ANO3: variants seen among roughly 807,000 people sequenced by gnomAD.
ANO3 encodes anoctamin-3.
ANO3 carries 99 observed loss-of-function variants against 144.8 expected under a neutral mutation model. The observed-to-expected ratio is 0.68, with a 90% CI of 0.58 to 0.81. The LOEUF is 0.81. ANO3 is among the 30% of genes least tolerant of loss of function. The pLI, the probability that ANO3 is intolerant of heterozygous loss-of-function variation, is 0.00. For synonymous variants in ANO3, 414 were observed against 392.6 expected, an observed-to-expected ratio of 1.05 and a Z score of -0.64; for missense variants, 905 against 1,202.2, an observed-to-expected ratio of 0.75 and a Z score of 3.66.
intron 14 of ANO3, among the ~76,000 whole-genome samples, chr11:26,575,192 T>C (rs1490297993): frequency 1.3e-5 from 2 of 151,984 alleles, no homozygotes; most frequent in African/African-American, 2.4e-5. Context: ...ACAAACCCTA[T>C]TGATATCCTT....
At chr11:26,338,699 C>A (rs543278796) in intron 1 of ANO3, among the ~76,000 whole-genome samples, 1 of 151,162 alleles carries the variant, frequency 6.6e-6, no homozygotes, top group East Asian at 2.0e-4. Context: ...ATGAACCCCC[C>A]CACTGGGAGA....
chr11:26,489,528 A>G (rs932204692), intron 4 of ANO3, among the ~76,000 whole-genome samples: 1 of 152,184 alleles, frequency 6.6e-6, no homozygotes, highest in African/African-American at 2.4e-5. Flanking sequence ...AGTTCCTGGA[A>G]TGGTAGATCC....
At chr11:26,551,004 C>G (rs1455014161) in intron 12 of ANO3, among the ~76,000 whole-genome samples, 2 of 151,958 alleles carry the variant, frequency 1.3e-5, no homozygotes, top group Non-Finnish European at 2.9e-5. Flanking sequence ...TTGCATTTCT[C>G]TGATGATTAT....
chr11:26,244,063 G>A (rs186333856), intron 1 of ANO3, among the ~76,000 whole-genome samples: 55 of 149,546 alleles, frequency 3.7e-4, no homozygotes, highest in Admixed American at 3.4e-3. Context: ...GTTGCAGTGA[G>A]CTGAGATTGT....
chr11:26,243,429 C>T (rs554911392), intron 1 of ANO3, among the ~76,000 whole-genome samples: 8 of 150,850 alleles, frequency 5.3e-5, no homozygotes, highest in Admixed American at 6.6e-5. Flanking sequence ...ATACAATTCT[C>T]TGATTTACAA....
chr11:26,283,858 GAAAACTGAGAGGTGGGAGACC>G (rs1853740698), intron 1 of ANO3, among the ~76,000 whole-genome samples: 1 of 152,136 alleles, frequency 6.6e-6, no homozygotes, highest in Non-Finnish European at 1.5e-5. Context: ...CTATGAAAAG[GAAAACTGAGAGGTGGGAGACC>G]AAATTTAGAT....
chr11:26,632,848 T>A (rs911296660), intron 18 of ANO3, among the ~76,000 whole-genome samples: 1 of 152,168 alleles, frequency 6.6e-6, no homozygotes. Context: ...CCTAAAAATC[T>A]ACATCCTCTT....
chr11:26,331,097 G>C (rs1371785096), upstream of ANO3, among the ~76,000 whole-genome samples: 1 of 152,138 alleles, frequency 6.6e-6, no homozygotes, highest in Non-Finnish European at 1.5e-5. Context: ...CTGCAGTTTG[G>C]TCTTTCAAAA....
chr11:26,373,736 G>A (rs779081969), intron 1 of ANO3, among the ~76,000 whole-genome samples: 2 of 152,004 alleles, frequency 1.3e-5, no homozygotes, highest in East Asian at 1.9e-4. Context: ...ACACAAACAC[G>A]TTGGCATGCA....
chr11:26,461,224 A>G (rs1389457), intron 3 of ANO3, among the ~76,000 whole-genome samples: 10,892 of 152,136 alleles, frequency 0.072, 694 homozygotes, highest in African/African-American at 0.17. Flanking sequence ...CTGGCAGTCA[A>G]TGGTAGGGTT....
chr11:26,535,540 A>G (rs1164282445), intron 9 of ANO3, among the ~76,000 whole-genome samples: 1 of 145,406 alleles, frequency 6.9e-6, no homozygotes, highest in Admixed American at 6.8e-5. Context: ...AGTGCTATAT[A>G]GGTAAAATAC....
chr11:26,579,175 T>C (rs1851066888), intron 14 of ANO3, among the ~76,000 whole-genome samples: 1 of 152,222 alleles, frequency 6.6e-6, no homozygotes, highest in Non-Finnish European at 1.5e-5. Context: ...CATGATTTAT[T>C]AATGCTTTCT....
At position 26,563,163 on chromosome 11, in the gene ANO3, G is replaced by A. The variant is rs749905985; in HGVS notation, c.1447+3384G>A. ...AAGTCGCCGATGGGAAAATGAATCC[G>A]TTTTCCTTTTTCCACACAACAAGTA... is the stretch of plus-strand genomic sequence containing the variant. On this transcript the variant is annotated intron_variant, in intron 14 of 26. Transcript: ENST00000256737. The A allele has an allele frequency of 9.3e-6, 15 of 1,611,986 alleles. No homozygotes were observed. Among genetic ancestry groups the A allele is most frequent in the South Asian group, 5.5e-5 (5 of 90,966 alleles).
At chr11:26,485,411 C>G (rs916162289) in intron 4 of ANO3, among the ~76,000 whole-genome samples, 7 of 151,672 alleles carry the variant, frequency 4.6e-5, no homozygotes, top group African/African-American at 9.7e-5. Context: ...TCTTTTTTTC[C>G]TGCTCTGGCC....
At chr11:26,407,515 G>C (rs1028706007) in intron 1 of ANO3, among the ~76,000 whole-genome samples, 1 of 151,674 alleles carries the variant, frequency 6.6e-6, no homozygotes, top group Non-Finnish European at 1.5e-5. Flanking sequence ...TATTGAATCT[G>C]TCTTCTTTTT....
intron 1 of ANO3, among the ~76,000 whole-genome samples, chr11:26,393,262 T>G: frequency 6.6e-6 from 1 of 152,118 alleles, no homozygotes; most frequent in East Asian, 1.9e-4. Context: ...GTCCTCATCT[T>G]GACCTGCTTC....
chr11:26,283,228 G>A (rs1417158495), intron 1 of ANO3, among the ~76,000 whole-genome samples: 5 of 147,818 alleles, frequency 3.4e-5, no homozygotes, highest in Non-Finnish European at 3.0e-5. Context: ...ACATTTTTTC[G>A]TGTAGGAGCT....
intron 1 of ANO3, among the ~76,000 whole-genome samples, chr11:26,260,785 G>A (rs1278061153): frequency 1.3e-5 from 2 of 152,062 alleles, no homozygotes; most frequent in Non-Finnish European, 2.9e-5. Context: ...CATGGCTTCA[G>A]ATCACTTTAA....
chr11:26,616,154 A>T (rs1374787432), intron 17 of ANO3, among the ~76,000 whole-genome samples: 1 of 152,186 alleles, frequency 6.6e-6, no homozygotes, highest in Non-Finnish European at 1.5e-5. Context: ...GAATTATAAA[A>T]TCAGTACATT....
Sources: gnomAD v4.1 joint callset for allele counts (sites outside exome capture counted in the v4.1 genomes callset) on GRCh38, gnomAD v4.1.1 for gene constraint, MANE v1.5 for transcripts, NCBI Gene and HGNC (gene_info 2026-07-23, HGNC 2026-07-21) for gene names.